FARP1: variants seen among roughly 807,000 people sequenced by gnomAD.
FARP1 encodes FERM, ARH/RhoGEF and pleckstrin domain protein 1.
FARP1 carries 52 observed loss-of-function variants against 128.8 expected under a neutral mutation model. The observed-to-expected ratio is 0.40, with a 90% CI of 0.32 to 0.51. The LOEUF is 0.51. FARP1 is among the 20% of genes least tolerant of loss of function. The pLI is 0.45. For missense variants in FARP1, 1,333 were observed against 1,367.9 expected, an observed-to-expected ratio of 0.97 and a Z score of 0.40; for synonymous variants, 580 against 551.8, an observed-to-expected ratio of 1.05 and a Z score of -0.72.
intron 2 of FARP1, chr13:98,338,668 CAGAAGTG>C (rs1352563645): frequency 6.6e-6 from 1 of 152,194 alleles, no homozygotes; most frequent in East Asian, 1.9e-4. Context: ...GTTGTATACT[CAGAAGTG>C]AGATCGCTGT....
At chr13:98,259,432 C>A (rs1594330959) in intron 2 of FARP1, among the ~76,000 whole-genome samples, 1 of 149,982 alleles carries the variant, frequency 6.7e-6, no homozygotes, top group African/African-American at 2.5e-5. Flanking sequence ...TGGCTCCCAG[C>A]ATGTCACTTG....
rs1884348696 is a variant in FARP1, at chr13:98,270,686, T to A, written c.171+57273T>A. Among the ~76,000 whole-genome samples, 3 of 152,236 alleles carry A rather than the reference T, an allele frequency of 2.0e-5. No individual in the cohort carries two copies. In the East Asian group the frequency reaches 5.8e-4, roughly 29 times the overall value. Reference sequence around the variant, plus strand: ...CAATGCAGGATGGTGAATATTTTCATGATCTAGATCAGTTAACTCATCCTG... The same window carrying A: ...CAATGCAGGATGGTGAATATTTTCAAGATCTAGATCAGTTAACTCATCCTG... On this transcript the variant is annotated intron_variant, in intron 2 of 26. Coordinates refer to ENST00000319562, the MANE Select transcript of FARP1 (RefSeq NM_005766.4).
At chr13:98,356,569 C>T (rs963040280) in intron 3 of FARP1, among the ~76,000 whole-genome samples, 2 of 151,968 alleles carry the variant, frequency 1.3e-5, no homozygotes, top group African/African-American at 4.8e-5. Context: ...AAGATTGTTT[C>T]GTGCTCTTGA....
chr13:98,275,339 GAGA>G (rs1884587400), intron 2 of FARP1, among the ~76,000 whole-genome samples: 1 of 37,776 alleles, frequency 2.6e-5, no homozygotes, highest in African/African-American at 8.4e-5. Flanking sequence ...TGGGTAAGGA[GAGA>G]GAGAGAGAGA....
At chr13:98,241,909 ACT>A (rs1437272520) in intron 2 of FARP1, among the ~76,000 whole-genome samples, 4 of 151,938 alleles carry the variant, frequency 2.6e-5, no homozygotes, top group Admixed American at 6.6e-5. Context: ...ACAGATTGAG[ACT>A]CTGTCTAAAC....
intron 2 of FARP1, among the ~76,000 whole-genome samples, chr13:98,218,980 A>G (rs1188762737): frequency 6.6e-6 from 1 of 152,204 alleles, no homozygotes; most frequent in Non-Finnish European, 1.5e-5. Context: ...AGACCTAATT[A>G]GGAGTGTTAC....
chr13:98,384,752 A>G lies in FARP1; in HGVS notation c.519A>G (p.Glu173=). ...IVQSEIGDFD[E]ALDREHLAKN... is the part of the protein sequence containing the mutation. ...TAGCTGAGATTGGGGATTTTGATGA[A>G]GCCTTGGACAGAGAGCACTTAGCAA... The change falls in exon 7 of 27, where the codon GAA becomes GAG. Residue 173 remains glutamate, a synonymous_variant. Transcript: ENST00000319562. The G allele has an allele frequency of 6.2e-7, 1 of 1,612,120 alleles. No individual in the cohort carries two copies.
At chr13:98,146,262 CT>C (rs1481150519) in intron 1 of FARP1, among the ~76,000 whole-genome samples, 3 of 151,496 alleles carry the variant, frequency 2.0e-5, no homozygotes, top group African/African-American at 7.3e-5. Context: ...GAGTTTTGCT[CT>C]TGTTTCCCAG....
intron 1 of FARP1, among the ~76,000 whole-genome samples, chr13:98,210,365 A>T (rs1236227885): frequency 6.6e-6 from 1 of 151,564 alleles, no homozygotes; most frequent in Non-Finnish European, 1.5e-5. Context: ...AATGGCTTTC[A>T]CCCTGAACCC....
intron 2 of FARP1, among the ~76,000 whole-genome samples, chr13:98,238,669 C>G (rs1431096937): frequency 6.6e-6 from 1 of 152,144 alleles, no homozygotes; most frequent in African/African-American, 2.4e-5. Context: ...GTCATGAGAA[C>G]AGCATAGGAA....
rs73563531 is a variant in FARP1, at chr13:98,304,067, T to C, written c.172-39695T>C. 2.8e-3 allele frequency among the ~76,000 whole-genome samples: 427 copies of C among 152,302 alleles called. 2 individuals carry two copies. Among genetic ancestry groups the C allele is most frequent in the African/African-American group, 9.8e-3 (406 of 41,564 alleles). On this transcript the variant is annotated intron_variant, in intron 2 of 26. Transcript: ENST00000319562. ...TTTACTTTGGGAAATGCAGCAATTA[T>C]TAGCGAGGTTGCTGAGAGTCACTTC... is the stretch of plus-strand genomic sequence containing the variant.
intron 5 of FARP1, among the ~76,000 whole-genome samples, chr13:98,375,295 G>A (rs915677596): frequency 1.3e-5 from 2 of 152,146 alleles, no homozygotes; most frequent in Non-Finnish European, 2.9e-5. Flanking sequence ...TGATAATCCT[G>A]GCTGGAGTCA....
intron 2 of FARP1, among the ~76,000 whole-genome samples, chr13:98,286,459 G>A (rs1031455538): frequency 2.0e-5 from 3 of 152,188 alleles, no homozygotes; most frequent in African/African-American, 7.2e-5. Flanking sequence ...CTGTTCTCAT[G>A]GTAGTGAGTA....
intron 2 of FARP1, among the ~76,000 whole-genome samples, chr13:98,312,330 A>C (rs111290630): frequency 6.6e-6 from 1 of 151,940 alleles, no homozygotes; most frequent in African/African-American, 2.4e-5. Context: ...TAGTAGAGAC[A>C]GGGTTTCACC....
intron 2 of FARP1, among the ~76,000 whole-genome samples, chr13:98,229,690 T>C (rs1882001472): frequency 6.8e-6 from 1 of 147,532 alleles, no homozygotes; most frequent in Non-Finnish European, 1.5e-5. Flanking sequence ...TATTTCTTTT[T>C]TTTTTTTTTT....
At chr13:98,366,589 A>C (rs1594450714) in intron 4 of FARP1, among the ~76,000 whole-genome samples, 1 of 152,378 alleles carries the variant, frequency 6.6e-6, no homozygotes, top group East Asian at 1.9e-4. Flanking sequence ...TGGTTGGGTC[A>C]GAGCTGGAGC....
chr13:98,339,127 G>A (rs1238255001), intron 2 of FARP1, among the ~76,000 whole-genome samples: 7 of 152,246 alleles, frequency 4.6e-5, no homozygotes, highest in South Asian at 4.2e-4. Flanking sequence ...ATTTGTATTC[G>A]TCCATTCTCA....
chr13:98,388,736 G>A (rs1358481430), intron 9 of FARP1, among the ~76,000 whole-genome samples: 2 of 152,218 alleles, frequency 1.3e-5, no homozygotes, highest in Non-Finnish European at 2.9e-5. Context: ...TCATTTCCCT[G>A]CGCAGATTCA....
chr13:98,212,242 G>C (rs1293432454), intron 1 of FARP1, among the ~76,000 whole-genome samples: 5 of 152,192 alleles, frequency 3.3e-5, no homozygotes, highest in Non-Finnish European at 7.3e-5. Flanking sequence ...TTTTAGTAGA[G>C]GTGGGGTTTC....
Sources: allele counts gnomAD v4.1 joint callset (sites outside exome capture counted in the v4.1 genomes callset), GRCh38; gene constraint gnomAD v4.1.1; transcripts MANE v1.5; gene names NCBI Gene and HGNC (gene_info 2026-07-23, HGNC 2026-07-21).